The following STPG2 variants were observed in gnomAD, a reference collection of about 807,000 sequenced individuals.
The protein encoded by STPG2 is sperm tail PG-rich repeat containing 2, also known as sperm-tail PG-rich repeat-containing protein 2.
Under a neutral mutation model 54.2 loss-of-function variants are expected in STPG2, and 56 were observed. The observed-to-expected ratio is 1.03, with a 90% confidence interval of 0.83 to 1.29. The LOEUF (loss-of-function observed/expected upper bound fraction) is 1.29, where lower values mean the gene tolerates loss of function less well. Among genes scored for constraint, STPG2 ranks in the 50% most tolerant of loss-of-function variants. STPG2 has a pLI of 0.00. For missense variants in STPG2, 596 were observed against 544.9 expected (o/e 1.09, Z -0.93); for synonymous variants, 200 against 181.8 (o/e 1.10, Z -0.81).
chr4:97,767,782 T>C (rs1268122564), intron 9 of STPG2, among the ~76,000 whole-genome samples: 3 of 152,162 alleles, frequency 2.0e-5, no homozygotes, highest in Non-Finnish European at 4.4e-5. Context: ...TTCCTAACAA[T>C]CTGGCATTTT....
intron 10 of STPG2, among the ~76,000 whole-genome samples, chr4:97,585,096 A>G (rs565585932): frequency 8.7e-4 from 60 of 68,922 alleles, no homozygotes; most frequent in African/African-American, 2.3e-3. Context: ...GACATAAAAT[A>G]TTCTCAAAAA....
At chr4:97,478,413 G>C (rs965729882) in intron 4 of STPG2, among the ~76,000 whole-genome samples, 1 of 152,086 alleles carries the variant, frequency 6.6e-6, no homozygotes, top group African/African-American at 2.4e-5. Flanking sequence ...ATTTCTGATA[G>C]ATTAAAAGGA....
At chr4:97,524,482 G>A (rs187676281) in intron 4 of STPG2, among the ~76,000 whole-genome samples, 41 of 152,020 alleles carry the variant, frequency 2.7e-4, no homozygotes, top group African/African-American at 8.4e-4. Context: ...CAAACAGACA[G>A]CTGCTTGTTT....
chr4:97,697,397 G>A (rs1723611743), intron 10 of STPG2, among the ~76,000 whole-genome samples: 1 of 152,196 alleles, frequency 6.6e-6, no homozygotes, highest in Non-Finnish European at 1.5e-5. Flanking sequence ...AGGAACTGGA[G>A]TGCTTGAAGG....
chr4:98,141,703 C>T (rs1740286024), intron 1 of STPG2, among the ~76,000 whole-genome samples: 1 of 152,154 alleles, frequency 6.6e-6, no homozygotes. Flanking sequence ...CACATGTTCT[C>T]AGGACCTCCT....
chr4:97,949,769 T>C (rs778968638), intron 7 of STPG2, among the ~76,000 whole-genome samples: 24 of 152,354 alleles, frequency 1.6e-4, no homozygotes, highest in Admixed American at 3.3e-4. Flanking sequence ...TCTGAAAGGT[T>C]TTCCCTTACA....
chr4:97,977,168 G>A (rs1245051603), intron 6 of STPG2, among the ~76,000 whole-genome samples: 4 of 152,090 alleles, frequency 2.6e-5, no homozygotes, highest in African/African-American at 9.7e-5. Context: ...CTTCATTATA[G>A]CTTAACTTCC....
At chr4:97,967,093 T>A (rs1364898455) in intron 7 of STPG2, among the ~76,000 whole-genome samples, 2 of 150,378 alleles carry the variant, frequency 1.3e-5, no homozygotes. Flanking sequence ...AGACTACCAG[T>A]GTACTGTATT....
At position 97,483,293 on chromosome 4, in the gene STPG2, G is replaced by A. The variant is rs558508056; in HGVS notation, c.462+229406C>T. Among the ~76,000 whole-genome samples the A allele has an allele frequency of 5.9e-5, 9 of 151,708 alleles. No homozygotes were observed. In the South Asian group the frequency reaches 1.9e-3, roughly 31 times the overall value. ...TTAAAAGGTACAGAACTGCAGAATG[G>A]ATAAGAACTCACCAACCAACTATCT... On this transcript the variant is annotated intron_variant, in intron 4 of 4. Coordinates refer to the STPG2 transcript ENST00000522676.
chr4:97,864,538 G>A (rs1578636164), intron 8 of STPG2, among the ~76,000 whole-genome samples: 1 of 152,106 alleles, frequency 6.6e-6, no homozygotes, highest in Admixed American at 6.6e-5. Context: ...TACATTCAAT[G>A]CCATCCCCAT....
chr4:97,835,211 C>T (rs1408225280), intron 9 of STPG2, among the ~76,000 whole-genome samples: 1 of 152,014 alleles, frequency 6.6e-6, no homozygotes, highest in African/African-American at 2.4e-5. Flanking sequence ...AAAAGAGTGA[C>T]CTTTGGTCAT....
intron 5 of STPG2, among the ~76,000 whole-genome samples, chr4:98,003,930 T>A (rs568491881): frequency 1.4e-4 from 22 of 152,138 alleles, no homozygotes; most frequent in Non-Finnish European, 2.8e-4. Flanking sequence ...TTTTGATGTA[T>A]GAAAACATTG....
At chr4:97,942,750 A>G (rs553036091) in intron 8 of STPG2, among the ~76,000 whole-genome samples, 1 of 152,318 alleles carries the variant, frequency 6.6e-6, no homozygotes, top group African/African-American at 2.4e-5. Context: ...TTACAAATCA[A>G]CTGTTGGCAT....
At chr4:97,630,057 T>A (rs865872537) in intron 10 of STPG2, among the ~76,000 whole-genome samples, 1 of 151,968 alleles carries the variant, frequency 6.6e-6, no homozygotes, top group African/African-American at 2.4e-5. Context: ...TTATAATCCA[T>A]ATAAATATGT....
At chr4:97,869,563 C>T (rs984910378) in intron 8 of STPG2, among the ~76,000 whole-genome samples, 5 of 151,392 alleles carry the variant, frequency 3.3e-5, no homozygotes, top group African/African-American at 1.2e-4. Flanking sequence ...AAAGACAACC[C>T]TTGATTAGCA....
intron 9 of STPG2, among the ~76,000 whole-genome samples, chr4:97,719,361 T>G (rs1724381271): frequency 6.6e-6 from 1 of 151,898 alleles, no homozygotes; most frequent in African/African-American, 2.4e-5. Flanking sequence ...CATCATATAT[T>G]TTATGTTGTT....
At chr4:97,782,788 C>A (rs1473586996) in intron 9 of STPG2, among the ~76,000 whole-genome samples, 2 of 152,084 alleles carry the variant, frequency 1.3e-5, no homozygotes, top group Admixed American at 6.6e-5. Context: ...CATCTACAAC[C>A]ATCTGATCTT....
chr4:98,126,513 T>C (rs982768657), intron 3 of STPG2, among the ~76,000 whole-genome samples: 6 of 152,186 alleles, frequency 3.9e-5, no homozygotes, highest in African/African-American at 7.2e-5. Flanking sequence ...CCTTGCCCCA[T>C]GCAGCTCCCA....
At chr4:97,824,404 CT>C (rs1367847267) in intron 9 of STPG2, among the ~76,000 whole-genome samples, 1 of 152,128 alleles carries the variant, frequency 6.6e-6, no homozygotes, top group Non-Finnish European at 1.5e-5. Context: ...TTTATCTCCT[CT>C]GTAAAGTTCT....
Sources: gnomAD v4.1 joint callset for allele counts (sites outside exome capture counted in the v4.1 genomes callset) on GRCh38, gnomAD v4.1.1 for gene constraint, MANE v1.5 for transcripts, NCBI Gene and HGNC (gene_info 2026-07-23, HGNC 2026-07-21) for gene names.